Variants in CLPB observed in about 807,000 individuals in gnomAD.
The protein encoded by CLPB is ClpB family mitochondrial disaggregase, also known as mitochondrial disaggregase.
Under a neutral mutation model 78.4 loss-of-function variants are expected in CLPB, and 40 were observed. That is an observed-to-expected ratio of 0.51 (90% CI 0.40 to 0.66). The LOEUF is 0.66. CLPB is among the 30% of genes least tolerant of loss of function. CLPB has a pLI of 0.00. For missense variants in CLPB, 780 were observed against 886.9 expected, an observed-to-expected ratio of 0.88 and a Z score of 1.53; for synonymous variants, 333 against 348.0, an observed-to-expected ratio of 0.96 and a Z score of 0.48.
intron 2 of CLPB, among the ~76,000 whole-genome samples, chr11:72,413,929 A>G (rs1349588811): frequency 6.6e-6 from 1 of 152,194 alleles, no homozygotes; most frequent in African/African-American, 2.4e-5. Flanking sequence ...CCTTGCCTTC[A>G]AAGCATTCAC....
At chr11:72,363,019 G>T (rs1950869524) in intron 4 of CLPB, among the ~76,000 whole-genome samples, 1 of 152,130 alleles carries the variant, frequency 6.6e-6, no homozygotes, top group Non-Finnish European at 1.5e-5. Context: ...AGCTGGGCGT[G>T]GTGGCGCATG....
At chr11:72,321,746 A>C (rs1950047632) in intron 6 of CLPB, among the ~76,000 whole-genome samples, 1 of 152,152 alleles carries the variant, frequency 6.6e-6, no homozygotes, top group Non-Finnish European at 1.5e-5. Flanking sequence ...GGGGGAAGAG[A>C]AGAGAGGCCA....
chr11:72,406,185 G>A (rs1225023831), intron 2 of CLPB, among the ~76,000 whole-genome samples: 1 of 152,146 alleles, frequency 6.6e-6, no homozygotes, highest in Non-Finnish European at 1.5e-5. Flanking sequence ...CTTGGGAGAG[G>A]AGCTTGGGCA....
At chr11:72,399,987 G>A (rs1855515902) in intron 3 of CLPB, among the ~76,000 whole-genome samples, 1 of 152,126 alleles carries the variant, frequency 6.6e-6, no homozygotes, top group Non-Finnish European at 1.5e-5. Flanking sequence ...CCTGACCAAT[G>A]TACTCCTGGT....
At chr11:72,382,250 T>A (rs928948317) in intron 3 of CLPB, among the ~76,000 whole-genome samples, 2 of 152,026 alleles carry the variant, frequency 1.3e-5, no homozygotes, top group Non-Finnish European at 2.9e-5. Context: ...TCCAGGACCA[T>A]CCCTGTATAC....
intron 4 of CLPB, 118 bp downstream of exon 4, chr11:72,380,162 GA>G: frequency 1.3e-6 from 1 of 748,576 alleles, no homozygotes; most frequent in Non-Finnish European, 2.3e-6. Context: ...TGAGTCCACA[GA>G]GGTAAAGAAC....
At chr11:72,363,200 G>T (rs1950874502) in intron 4 of CLPB, among the ~76,000 whole-genome samples, 1 of 151,766 alleles carries the variant, frequency 6.6e-6, no homozygotes, top group Middle Eastern at 3.4e-3. Flanking sequence ...GGAAGGGAAG[G>T]GAGGGGAGGG....
At chr11:72,387,556 G>T (rs1450954704) in intron 3 of CLPB, among the ~76,000 whole-genome samples, 9 of 152,018 alleles carry the variant, frequency 5.9e-5, no homozygotes, top group Admixed American at 5.9e-4. Flanking sequence ...TCTTGGACCA[G>T]TGACTACACC....
intron 2 of CLPB, among the ~76,000 whole-genome samples, chr11:72,422,791 T>A (rs1053475515): frequency 6.6e-6 from 1 of 152,166 alleles, no homozygotes; most frequent in African/African-American, 2.4e-5. Flanking sequence ...CCAAATGTAT[T>A]TACCAGCCAG....
chr11:72,324,771 ATCC>A (rs1028692146), intron 6 of CLPB, among the ~76,000 whole-genome samples: 1 of 151,958 alleles, frequency 6.6e-6, no homozygotes, highest in Non-Finnish European at 1.5e-5. Context: ...GAAGAACATA[ATCC>A]TCCTACCCTC....
intron 11 of CLPB, among the ~76,000 whole-genome samples, chr11:72,300,981 C>T (rs2135498755): frequency 6.6e-6 from 1 of 152,198 alleles, no homozygotes; most frequent in East Asian, 1.9e-4. Flanking sequence ...GACATATCTG[C>T]AGCCCAATCT....
At chr11:72,309,271 AG>A (rs1170598886) in intron 7 of CLPB, among the ~76,000 whole-genome samples, 1 of 152,164 alleles carries the variant, frequency 6.6e-6, no homozygotes, top group Admixed American at 6.5e-5. Flanking sequence ...GATAGGTACC[AG>A]GTTCCTTGGA....
At chr11:72,369,862 A>G (rs933078256) in intron 4 of CLPB, among the ~76,000 whole-genome samples, 4 of 152,188 alleles carry the variant, frequency 2.6e-5, no homozygotes, top group Non-Finnish European at 5.9e-5. Flanking sequence ...TGCGTGCGTC[A>G]GGGAAGATGA....
Position 72,290,689 on chromosome 11 carries a change from A to AT in CLPB, c.*2677dup. The AT allele has an allele frequency of 2.0e-5, 3 of 152,300 alleles. No homozygotes were observed. The East Asian group carries it at 5.8e-4, about 29-fold the overall frequency. 9.4% of individuals were successfully genotyped at this position (152,300 alleles called of 1,614,324 possible). On this transcript the variant is annotated 3_prime_UTR_variant, in exon 16 of 16. Coordinates refer to ENST00000538039, the MANE Select transcript of CLPB (RefSeq NM_001258392.3). Reference sequence around the variant, plus strand: ...CTAGGTGTGGTGGCTCATGCCTGTAATCTCAGCACTTTGGGAGGCCGAGGT... The same window carrying AT: ...CTAGGTGTGGTGGCTCATGCCTGTAATTCTCAGCACTTTGGGAGGCCGAGGT...
At chr11:72,297,542 T>C (rs1338897266) in intron 11 of CLPB, among the ~76,000 whole-genome samples, 4 of 152,198 alleles carry the variant, frequency 2.6e-5, no homozygotes, top group Non-Finnish European at 5.9e-5. Flanking sequence ...GCAGATGTCC[T>C]TGAGCTTTTA....
At chr11:72,401,995 C>T (rs1311701034) in intron 3 of CLPB, among the ~76,000 whole-genome samples, 3 of 152,080 alleles carry the variant, frequency 2.0e-5, no homozygotes, top group East Asian at 1.9e-4. Flanking sequence ...CAGTGGCTCA[C>T]GCCTGTCATC....
chr11:72,330,489 C>G (rs1374524731), intron 5 of CLPB, among the ~76,000 whole-genome samples: 1 of 152,214 alleles, frequency 6.6e-6, no homozygotes, highest in Non-Finnish European at 1.5e-5. Flanking sequence ...TACCTTCTCT[C>G]TAAGTACTGG....
rs143917391 is a variant in CLPB at position 72,310,322 on chromosome 11, G to A, written c.989-1718C>T. ...AAAATGCTCCCTGAGAATCCTGAAA[G>A]AGGCCTGAGAAAAAGCTCAGTATAA... is the stretch of plus-strand genomic sequence containing the variant. On this transcript the variant is annotated intron_variant, in intron 7 of 15. Coordinates refer to ENST00000538039, the MANE Select transcript of CLPB (RefSeq NM_001258392.3). Among the ~76,000 whole-genome samples the A allele has an allele frequency of 2.3e-3, 357 of 152,326 alleles. 1 individual carries two copies. The highest frequency in any genetic ancestry group is 8.2e-3 in the African/African-American group (339 of 41,566).
chr11:72,433,969 G>A, intron 1 of CLPB, 103 bp downstream of exon 1: 6 of 1,392,488 alleles, frequency 4.3e-6, no homozygotes, highest in South Asian at 3.9e-5. Flanking sequence ...CAAGACTTAG[G>A]CTCTAAGGAT....
Sources: gnomAD v4.1 joint callset for allele counts (sites outside exome capture counted in the v4.1 genomes callset) on GRCh38, gnomAD v4.1.1 for gene constraint, MANE v1.5 for transcripts, NCBI Gene and HGNC (gene_info 2026-07-23, HGNC 2026-07-21) for gene names.